RBBP8: variants seen among roughly 807,000 people sequenced by gnomAD.
RBBP8 encodes RB binding protein 8, endonuclease.
Under a neutral mutation model 108.3 loss-of-function variants are expected in RBBP8, and 88 were observed. The ratio of observed to expected loss-of-function variants is 0.81; its 90% CI spans 0.68 to 0.97. The LOEUF (loss-of-function observed/expected upper bound fraction) is 0.97. RBBP8 is among the 50% of genes least tolerant of loss of function. RBBP8 has a pLI of 0.00. For missense variants in RBBP8, 1,023 were observed against 1,049.0 expected (o/e 0.98, Z 0.34); for synonymous variants, 332 against 348.2 (o/e 0.95, Z 0.52).
intron 9 of RBBP8, among the ~76,000 whole-genome samples, chr18:22,990,586 T>C (rs1210838945): frequency 2.0e-5 from 3 of 152,186 alleles, no homozygotes; most frequent in African/African-American, 7.2e-5. Flanking sequence ...CTCAGTGATA[T>C]TTAGTACATT....
At position 22,966,317 on chromosome 18, in the gene RBBP8, A is replaced by T. The variant is rs148820943; in HGVS notation, c.249-2489A>T. Among the ~76,000 whole-genome samples the T allele has an allele frequency of 8.3e-4, 127 of 152,322 alleles. No individual in the cohort carries two copies. The Middle Eastern group carries it at 0.017, about 20-fold the overall frequency. On this transcript the variant is annotated intron_variant, in intron 4 of 18. Transcript: ENST00000327155. ...CTTCAGACTGCATTCCACTTAAATC[A>T]TGATGCCTAGCTGTTTGTTCATTCA...
chr18:23,002,705 T>A (rs189404679), intron 15 of RBBP8, among the ~76,000 whole-genome samples: 59 of 152,336 alleles, frequency 3.9e-4, no homozygotes, highest in African/African-American at 1.4e-3. Context: ...GATTGTTTTA[T>A]GCTGGTTTAA....
chr18:22,984,695 T>C (rs1183876948), intron 7 of RBBP8, among the ~76,000 whole-genome samples, 191 bp from the exon 8 acceptor site: 1 of 152,216 alleles, frequency 6.6e-6, no homozygotes, highest in Non-Finnish European at 1.5e-5. Flanking sequence ...CTTAAACAGC[T>C]TTGTTTCTTA....
chr18:22,967,772 G>A (rs1913742219), intron 4 of RBBP8, among the ~76,000 whole-genome samples: 2 of 150,058 alleles, frequency 1.3e-5, no homozygotes, highest in African/African-American at 4.9e-5. Context: ...TCAGCCTCCC[G>A]AGTAGCTGGG....
intron 2 of RBBP8, among the ~76,000 whole-genome samples, chr18:22,942,413 A>G (rs1372948111): frequency 1.3e-5 from 2 of 152,104 alleles, no homozygotes; most frequent in South Asian, 2.1e-4. Flanking sequence ...CAACAATATA[A>G]TAAACTGCAT....
rs1470372022 is a variant in RBBP8 at position 23,019,851 on chromosome 18, T to A, written c.2455-2278T>A. Among the ~76,000 whole-genome samples the A allele has an allele frequency of 6.8e-5, 10 of 147,888 alleles. 1 individual carries two copies. The East Asian group carries it at 2.0e-3, about 30-fold the overall frequency. The stretch of plus-strand genomic sequence containing the variant: ...ATTTCGGCTCACTGCAAGCTCCGCC[T>A]CCTGGGTTCACACCATTCTCCCGCC... On this transcript the variant is annotated intron_variant, in intron 17 of 18. Transcript: ENST00000327155.
chr18:23,016,404 C>T (rs771835114), intron 16 of RBBP8, among the ~76,000 whole-genome samples: 31 of 151,874 alleles, frequency 2.0e-4, no homozygotes, highest in South Asian at 4.2e-4. Context: ...ATTAGCCAGG[C>T]GTGGTGGTAC....
At chr18:23,021,200 A>G (rs2046341178) in intron 17 of RBBP8, among the ~76,000 whole-genome samples, 3 of 152,188 alleles carry the variant, frequency 2.0e-5, no homozygotes, top group Admixed American at 2.0e-4. Context: ...ACTTGAGGTC[A>G]GGAATTCGAG....
At chr18:22,945,449 G>T (rs1911471964) in intron 2 of RBBP8, among the ~76,000 whole-genome samples, 1 of 151,622 alleles carries the variant, frequency 6.6e-6, no homozygotes, top group African/African-American at 2.4e-5. Context: ...GTGCAATGGC[G>T]GGATCTCAGC....
At position 22,984,617 on chromosome 18, in the gene RBBP8, T is replaced by C. The variant is rs183246076; in HGVS notation, c.605-269T>C. On this transcript the variant is annotated intron_variant, in intron 7 of 18. Transcript: ENST00000327155. ...TAAAAAGAGAAGTAACACTAAAATG[T>C]TACTACTCTAGGCAATTTGGGTTAG... is the stretch of plus-strand genomic sequence containing the variant. 6.6e-5 allele frequency among the ~76,000 whole-genome samples: 10 copies of C among 152,304 alleles called. No homozygotes were observed. In the East Asian group the frequency reaches 1.9e-3, roughly 29 times the overall value.
intron 16 of RBBP8, among the ~76,000 whole-genome samples, chr18:23,015,306 G>A (rs575537723): frequency 6.6e-6 from 1 of 152,136 alleles, no homozygotes; most frequent in South Asian, 2.1e-4. Context: ...CTGGAAAACA[G>A]GCAGTATTTT....
At chr18:23,004,819 G>T (rs1197560964) in intron 15 of RBBP8, 2 of 152,254 alleles carry the variant, frequency 1.3e-5, no homozygotes, top group Non-Finnish European at 2.9e-5. Flanking sequence ...CCTATGAATT[G>T]CCCCTGCCCT....
chr18:23,016,343 A>T, intron 16 of RBBP8, among the ~76,000 whole-genome samples: 1 of 152,012 alleles, frequency 6.6e-6, no homozygotes, highest in African/African-American at 2.4e-5. Context: ...TTAGGAGTTC[A>T]AGACTAGCCT....
chr18:23,008,825 G>C (rs2046105571), intron 16 of RBBP8, among the ~76,000 whole-genome samples: 1 of 139,980 alleles, frequency 7.1e-6, no homozygotes, highest in South Asian at 2.3e-4. Flanking sequence ...CCAGGCTGGA[G>C]TGCAGTGGCA....
intron 17 of RBBP8, among the ~76,000 whole-genome samples, chr18:23,020,771 T>C (rs2046335282): frequency 1.3e-5 from 2 of 152,216 alleles, no homozygotes; most frequent in Non-Finnish European, 2.9e-5. Flanking sequence ...CTTGCTGTGT[T>C]ACAACTGCAC....
intron 16 of RBBP8, among the ~76,000 whole-genome samples, chr18:23,011,918 GT>G (rs2144797118): frequency 6.6e-6 from 1 of 152,124 alleles, no homozygotes; most frequent in East Asian, 1.9e-4. Context: ...AATTAGGCCA[GT>G]TAAGAACCCT....
At chr18:22,952,847 G>GT (rs1175258747) in intron 4 of RBBP8, among the ~76,000 whole-genome samples, 2 of 152,106 alleles carry the variant, frequency 1.3e-5, no homozygotes, top group Non-Finnish European at 2.9e-5. Context: ...ATTTCACCAC[G>GT]TTTTTTCTCT....
At chr18:22,923,425 T>G (rs976346554) in intron 3 of RBBP8, among the ~76,000 whole-genome samples, 1 of 152,240 alleles carries the variant, frequency 6.6e-6, no homozygotes, top group Non-Finnish European at 1.5e-5. Context: ...GCCTTCTGCC[T>G]GGAAAGCCTT....
At chr18:23,003,051 G>A (rs2045974086) in intron 15 of RBBP8, among the ~76,000 whole-genome samples, 1 of 152,118 alleles carries the variant, frequency 6.6e-6, no homozygotes, top group African/African-American at 2.4e-5. Context: ...TTCTCACTTA[G>A]CTTTTCTGAC....
Sources: allele counts gnomAD v4.1 joint callset (sites outside exome capture counted in the v4.1 genomes callset), GRCh38; gene constraint gnomAD v4.1.1; transcripts MANE v1.5; gene names NCBI Gene and HGNC (gene_info 2026-07-23, HGNC 2026-07-21).